VCP: variants seen among roughly 807,000 people sequenced by gnomAD.
VCP encodes valosin containing protein, also known as transitional endoplasmic reticulum ATPase.
In VCP, 6 loss-of-function variants were observed where a neutral mutation model predicts 85.7. That is an observed-to-expected ratio of 0.07 (90% CI 0.04 to 0.14). The LOEUF is 0.14. VCP is among the 10% of genes least tolerant of loss of function. The probability of loss-of-function intolerance (pLI) is 1.00; values close to 1 mark genes in which losing one functional copy is unlikely to be tolerated. For synonymous variants in VCP, 384 were observed against 367.1 expected (o/e 1.05, Z -0.53); for missense variants, 353 against 1,043.4 (o/e 0.34, Z 9.12).
intron 1 of VCP, among the ~76,000 whole-genome samples, 154 bp from the exon 2 acceptor site, chr9:35,068,516 A>C (rs919081989): frequency 2.6e-5 from 4 of 152,228 alleles, no homozygotes; most frequent in Non-Finnish European, 5.9e-5. Context: ...CACGAGGAGC[A>C]GTATCTACCA....
intron 1 of VCP, among the ~76,000 whole-genome samples, chr9:35,070,890 T>C (rs1828927332): frequency 6.6e-6 from 1 of 152,204 alleles, no homozygotes; most frequent in Non-Finnish European, 1.5e-5. Context: ...TGTGGTAATC[T>C]CTAAAAGACT....
rs1330130193 is a variant in VCP at position 35,063,015 on chromosome 9, T to C, written c.774A>G (p.Val258=). ...GTGKTLIARA[V]ANETGAFFFL... Reference sequence around the variant, plus strand: ...AGAAGAAGGCTCCAGTCTCATTTGCTACAGCTCGAGCAATCAGGGTCTTTC... The same window carrying C: ...AGAAGAAGGCTCCAGTCTCATTTGCCACAGCTCGAGCAATCAGGGTCTTTC... Residue 258 remains valine (V), a synonymous_variant, in exon 7 of 17, where the codon GTA becomes GTG. Coordinates refer to ENST00000358901, the MANE Select transcript of VCP (RefSeq NM_007126.5). 1.2e-6 allele frequency: 2 copies of C among 1,614,118 alleles called. No individual in the cohort carries two copies. Among genetic ancestry groups the C allele is most frequent in the East Asian group, 2.2e-5 (1 of 44,854 alleles).
At chr9:35,066,124 T>C (rs1262235308) in intron 4 of VCP, among the ~76,000 whole-genome samples, 1 of 148,676 alleles carries the variant, frequency 6.7e-6, no homozygotes, top group African/African-American at 2.5e-5. Flanking sequence ...ACACTCTGTC[T>C]CAAAAAAAAA....
chr9:35,064,411 C>T, intron 5 of VCP, 126 bp from the exon 6 acceptor site: 1 of 1,260,912 alleles, frequency 7.9e-7, no homozygotes, highest in South Asian at 1.3e-5. Flanking sequence ...CTCAACCCGG[C>T]ATGGTGGCTC....
At chr9:35,062,867 A>C in intron 7 of VCP, 111 bp downstream of exon 7, 1 of 983,680 alleles carries the variant, frequency 1.0e-6, no homozygotes, top group South Asian at 1.3e-5. Context: ...AATATGCTAT[A>C]AACATGAAGG....
intron 4 of VCP, 123 bp from the exon 5 acceptor site, chr9:35,065,504 C>G (rs1365481436): frequency 7.6e-7 from 1 of 1,316,182 alleles, no homozygotes; most frequent in South Asian, 1.2e-5. Flanking sequence ...AGATATTGCC[C>G]TACCTCTCCC....
intron 1 of VCP, among the ~76,000 whole-genome samples, chr9:35,070,892 T>C (rs1828927376): frequency 6.6e-6 from 1 of 152,210 alleles, no homozygotes; most frequent in Non-Finnish European, 1.5e-5. Context: ...TGGTAATCTC[T>C]AAAAGACTGA....
rs1442860386 is a variant in VCP, at chr9:35,072,599, G to A, written c.-246C>T. On this transcript the variant is annotated 5_prime_UTR_variant, in exon 1 of 17. Coordinates refer to ENST00000358901, the MANE Select transcript of VCP (RefSeq NM_007126.5). Reference sequence around the variant, plus strand: ...CGGCAGCGGCAGCGACGACTCAAACGACGGTCGCAGACGCTTCGCTGAGAC... The same window carrying A: ...CGGCAGCGGCAGCGACGACTCAAACAACGGTCGCAGACGCTTCGCTGAGAC... The A allele has an allele frequency of 8.3e-6, 4 of 479,722 alleles. No individual in the cohort carries two copies. The highest frequency in any genetic ancestry group is 4.1e-5 in the African/African-American group (2 of 48,618). The allele number at this position is 479,722 out of a possible 1,614,324, so 29.7% of individuals were successfully genotyped here.
intron 3 of VCP, 23 bp from the exon 4 acceptor site, chr9:35,066,840 A>G (rs1308983923): frequency 6.8e-6 from 11 of 1,613,892 alleles, no homozygotes; most frequent in Admixed American, 1.7e-5. Context: ...AGCAGACTCC[A>G]TATTACCAAC....
At chr9:35,067,768 C>G (rs1040234686) in intron 3 of VCP, 123 bp downstream of exon 3, 3 of 1,297,486 alleles carry the variant, frequency 2.3e-6, no homozygotes, top group Admixed American at 3.9e-5. Context: ...TTCCCATGAC[C>G]AGGAGGCTTC....
intron 3 of VCP, among the ~76,000 whole-genome samples, chr9:35,067,350 C>A (rs1029760999): frequency 6.6e-5 from 10 of 152,162 alleles, no homozygotes; most frequent in Non-Finnish European, 1.5e-4. Context: ...GATGGGGTAA[C>A]CTCTTGCCTA....
chr9:35,061,183 C>CAG lies in VCP; in HGVS notation c.1195-6_1195-5dup, dbSNP rs781269203. ...GCCCGTGAGTCTCATTGGCTACCTG[C>CAG]AGAGAAAGATCTACTTACTATGCTG... On this transcript the variant is annotated splice_polypyrimidine_tract_variant and splice_region_variant and intron_variant, in intron 10 of 16. Coordinates refer to ENST00000358901, the MANE Select transcript of VCP (RefSeq NM_007126.5). 2 of 1,612,904 alleles carry CAG rather than the reference C, an allele frequency of 1.2e-6. No individual in the cohort carries two copies. The highest frequency in any genetic ancestry group is 1.7e-6 in the Non-Finnish European group (2 of 1,180,026).
chr9:35,068,229 CT>C, intron 2 of VCP, 21 bp downstream of exon 2: 1 of 1,611,756 alleles, frequency 6.2e-7, no homozygotes, highest in Non-Finnish European at 8.5e-7. Context: ...TAAGGAAAGA[CT>C]AGTCTGTGGC....
At chr9:35,058,060 A>C (rs928616136) in intron 15 of VCP, among the ~76,000 whole-genome samples, 3 of 152,172 alleles carry the variant, frequency 2.0e-5, no homozygotes, top group Admixed American at 6.5e-5. Context: ...AATGATTGCA[A>C]TCCTACTACT....
At position 35,061,699 on chromosome 9, in the gene VCP, A is replaced by AGTACACAAACC. The variant is rs2131032015; in HGVS notation, c.1082-11_1082-10insGGTTTGTGTAC. On this transcript the variant is annotated splice_polypyrimidine_tract_variant and intron_variant, in intron 9 of 16. Transcript: ENST00000358901. ...TCCCTGTCAAAGCGACCTGTGGGAC[A>AGTACACAAACC]GTACACAAACATAAACAGGGCTCAT... 6.2e-7 allele frequency: 1 copy of AGTACACAAACC among 1,608,944 alleles called. No homozygotes were observed. The highest frequency in any genetic ancestry group is 8.5e-7 in the Non-Finnish European group (1 of 1,175,182).
chr9:35,061,987 T>C lies in VCP; in HGVS notation c.1081+16A>G. The C allele has an allele frequency of 3.7e-6, 6 of 1,614,150 alleles. No homozygotes were observed. The highest frequency in any genetic ancestry group is 5.1e-6 in the Non-Finnish European group (6 of 1,180,026). ...ACCTAAGCAAGGACGGGGTCAAAAG[T>C]ATCTGGAGTCCTTACCAAATCGCCG... On this transcript the variant is annotated intron_variant, in intron 9 of 16. Coordinates refer to ENST00000358901, the MANE Select transcript of VCP (RefSeq NM_007126.5).
At chr9:35,057,938 C>T (rs1587117978) in intron 15 of VCP, 3 of 310,678 alleles carry the variant, frequency 9.7e-6, no homozygotes, top group Non-Finnish European at 1.9e-5. Flanking sequence ...AACCTTAATA[C>T]TTTAAAAGGA....
Position 35,067,809 on chromosome 9 carries a change from T to C in VCP, c.302+82A>G, listed in dbSNP as rs1023170358. ...TCGACAGGTGCCAAGAACTTGGTCCTGCCTGTAATACATGGGTCCTGCCTG... is the reference window on the plus strand; with the variant it reads ...TCGACAGGTGCCAAGAACTTGGTCCCGCCTGTAATACATGGGTCCTGCCTG... On this transcript the variant is annotated intron_variant, in intron 3 of 16. Transcript: ENST00000358901. 3.2e-6 allele frequency: 5 copies of C among 1,576,770 alleles called. No individual in the cohort carries two copies. In the African/African-American group the frequency reaches 5.4e-5, roughly 17 times the overall value.
chr9:35,056,899 TC>T lies in VCP; in HGVS notation c.*217del. 1.8e-6 allele frequency: 1 copy of T among 550,940 alleles called. No individual in the cohort carries two copies. Among genetic ancestry groups the T allele is most frequent in the African/African-American group, 1.9e-5 (1 of 53,118 alleles). 34.1% of individuals were successfully genotyped at this position (550,940 alleles called of 1,614,324 possible). A position where few individuals can be genotyped will look rare whatever the true frequency, so the allele number is the denominator to read the frequency against. Reference sequence around the variant, plus strand: ...CCAATTCCCTGTTGGTAATTCACTCTCCGCCTACCAAATGAAAATCGCTTTT... The same window carrying T: ...CCAATTCCCTGTTGGTAATTCACTCTCGCCTACCAAATGAAAATCGCTTTT... On this transcript the variant is annotated 3_prime_UTR_variant, in exon 17 of 17. Coordinates refer to ENST00000358901, the MANE Select transcript of VCP (RefSeq NM_007126.5).
Sources: allele counts gnomAD v4.1 joint callset (sites outside exome capture counted in the v4.1 genomes callset), GRCh38; gene constraint gnomAD v4.1.1; transcripts MANE v1.5; gene names NCBI Gene and HGNC (gene_info 2026-07-23, HGNC 2026-07-21).